Variants in SRGAP3 observed in about 807,000 individuals in gnomAD.
SRGAP3 encodes the protein SLIT-ROBO Rho GTPase-activating protein 3.
SRGAP3 carries 39 observed loss-of-function variants against 121.1 expected under a neutral mutation model. The ratio of observed to expected loss-of-function variants is 0.32; its 90% CI spans 0.25 to 0.42. The LOEUF (loss-of-function observed/expected upper bound fraction) is 0.42. SRGAP3 is among the 10% of genes least tolerant of loss of function. SRGAP3 has a pLI of 1.00. For missense variants in SRGAP3, 1,213 were observed against 1,470.6 expected (o/e 0.82, Z 2.86); for synonymous variants, 601 against 570.0 (o/e 1.05, Z -0.77).
chr3:9,273,699 T>C (rs1026514665), intron 3 of SRGAP3, among the ~76,000 whole-genome samples: 1 of 152,218 alleles, frequency 6.6e-6, no homozygotes, highest in East Asian at 1.9e-4. Flanking sequence ...TACTTTTCTC[T>C]AAGAGCTTTA....
At chr3:9,172,711 G>A (rs1951027944) in intron 1 of SRGAP3, among the ~76,000 whole-genome samples, 1 of 152,200 alleles carries the variant, frequency 6.6e-6, no homozygotes, top group African/African-American at 2.4e-5. Flanking sequence ...CTGGGCACTT[G>A]AAGGAAGAGC....
At chr3:9,124,963 G>A in intron 1 of SRGAP3, 46 bp from the exon 2 acceptor site, 1 of 1,609,390 alleles carries the variant, frequency 6.2e-7, no homozygotes, top group Non-Finnish European at 8.5e-7. Flanking sequence ...GGTGGGGACG[G>A]GGGCACTGGG....
intron 8 of SRGAP3, 107 bp from the exon 9 acceptor site, chr3:9,053,331 A>C (rs1368586921): frequency 4.4e-6 from 5 of 1,131,304 alleles, no homozygotes; most frequent in African/African-American, 1.5e-5. Flanking sequence ...TGAAGTCCCT[A>C]GGATATAGGC....
chr3:9,051,776 G>C (rs1474559614), intron 9 of SRGAP3, among the ~76,000 whole-genome samples: 3 of 138,006 alleles, frequency 2.2e-5, no homozygotes, highest in Non-Finnish European at 4.5e-5. Context: ...GCAGTGGCAC[G>C]ATCTTGGCTC....
chr3:9,272,982 G>A (rs1038914639), intron 3 of SRGAP3, among the ~76,000 whole-genome samples: 2 of 152,154 alleles, frequency 1.3e-5, no homozygotes, highest in African/African-American at 4.8e-5. Flanking sequence ...TGGGTGTAAG[G>A]TTGTATCTTA....
chr3:9,256,321 A>G (rs540756066), intron 3 of SRGAP3, among the ~76,000 whole-genome samples: 2 of 152,196 alleles, frequency 1.3e-5, no homozygotes, highest in East Asian at 3.9e-4. Flanking sequence ...GAACAGAAGT[A>G]AAGACTTCAA....
chr3:9,104,895 G>T (rs1948362083), intron 2 of SRGAP3, 53 bp from the exon 3 acceptor site: 1 of 1,610,182 alleles, frequency 6.2e-7, no homozygotes, highest in Admixed American at 1.7e-5. Flanking sequence ...TCATCCAACA[G>T]TGGTTTATGC....
intron 3 of SRGAP3, among the ~76,000 whole-genome samples, chr3:9,305,147 C>G (rs940150291): frequency 1.3e-5 from 2 of 152,014 alleles, no homozygotes; most frequent in African/African-American, 4.8e-5. Flanking sequence ...AGGAGCAGGC[C>G]CAGAAAGTCT....
intron 1 of SRGAP3, among the ~76,000 whole-genome samples, chr3:9,210,957 T>A (rs1238689843): frequency 6.6e-6 from 1 of 152,362 alleles, no homozygotes; most frequent in Non-Finnish European, 1.5e-5. Context: ...TATACATTAG[T>A]ACGTACTAAA....
At position 9,148,901 on chromosome 3, in the gene SRGAP3, A is replaced by G. The variant is rs190570193; in HGVS notation, c.68-23984T>C. Among the ~76,000 whole-genome samples the G allele has an allele frequency of 1.4e-3, 214 of 152,312 alleles. 3 individuals are homozygous for G. Among genetic ancestry groups the G allele is most frequent in the African/African-American group, 5.0e-3 (208 of 41,566 alleles). On this transcript the variant is annotated intron_variant, in intron 1 of 21. Transcript: ENST00000383836. ...ATTATGTGAGTTGAGCAGCATCAAC[A>G]TCATTCCCTTATTTCTAGGGAATGA...
chr3:9,181,629 A>G (rs1377150677), intron 1 of SRGAP3, among the ~76,000 whole-genome samples: 1 of 152,192 alleles, frequency 6.6e-6, no homozygotes, highest in Non-Finnish European at 1.5e-5. Flanking sequence ...GCCTGGGCCC[A>G]AACATCTCAG....
chr3:9,013,967 A>G (rs1943502883), intron 15 of SRGAP3, 125 bp from the exon 16 acceptor site: 1 of 843,064 alleles, frequency 1.2e-6, no homozygotes, highest in Non-Finnish European at 2.0e-6. Context: ...TCTTGATTCC[A>G]GGGATCACAG....
At chr3:9,230,123 C>T (rs116490917) in intron 1 of SRGAP3, among the ~76,000 whole-genome samples, 20 of 152,328 alleles carry the variant, frequency 1.3e-4, no homozygotes, top group African/African-American at 2.4e-4. Flanking sequence ...CAATCGGTGA[C>T]GCTGACTGAG....
At chr3:9,096,960 T>C (rs1486449308) in intron 3 of SRGAP3, among the ~76,000 whole-genome samples, 10 of 104,206 alleles carry the variant, frequency 9.6e-5, no homozygotes, top group Non-Finnish European at 1.4e-4. Flanking sequence ...TATATATATA[T>C]ATATATATAT....
intron 3 of SRGAP3, among the ~76,000 whole-genome samples, chr3:9,102,657 C>G (rs531933541): frequency 6.6e-6 from 1 of 152,356 alleles, no homozygotes; most frequent in South Asian, 2.1e-4. Flanking sequence ...CTCCAAAGCC[C>G]CTGTGGGCTG....
intron 1 of SRGAP3, among the ~76,000 whole-genome samples, chr3:9,337,967 T>G (rs755815448): frequency 5.3e-5 from 8 of 152,158 alleles, no homozygotes; most frequent in Non-Finnish European, 1.0e-4. Context: ...CCTATTAATC[T>G]CCCATGGAAC....
At chr3:9,079,776 G>A (rs921069535) in intron 4 of SRGAP3, among the ~76,000 whole-genome samples, 3 of 152,174 alleles carry the variant, frequency 2.0e-5, no homozygotes, top group Non-Finnish European at 2.9e-5. Flanking sequence ...GCCCCACAGC[G>A]GCAGGTCGTT....
chr3:9,026,864 C>T (rs1944233309), intron 13 of SRGAP3, 71 bp downstream of exon 13: 2 of 1,541,016 alleles, frequency 1.3e-6, no homozygotes, highest in Non-Finnish European at 1.8e-6. Flanking sequence ...ATTAGAATCT[C>T]ATTTCCTATC....
intron 1 of SRGAP3, among the ~76,000 whole-genome samples, chr3:9,246,170 G>A (rs556472197): frequency 6.6e-6 from 1 of 152,086 alleles, no homozygotes; most frequent in Non-Finnish European, 1.5e-5. Flanking sequence ...TCTTGAAAAA[G>A]ACATAAAAGG....
Sources: gnomAD v4.1 joint callset for allele counts (sites outside exome capture counted in the v4.1 genomes callset) on GRCh38, gnomAD v4.1.1 for gene constraint, MANE v1.5 for transcripts, NCBI Gene and HGNC (gene_info 2026-07-23, HGNC 2026-07-21) for gene names.